Variants in H6PD observed in about 807,000 individuals in gnomAD.
H6PD encodes the protein GDH/6PGL endoplasmic bifunctional protein.
Under a neutral mutation model 61.2 loss-of-function variants are expected in H6PD, and 48 were observed. That is an observed-to-expected ratio of 0.78 (90% confidence interval 0.62 to 1.00). H6PD has a LOEUF of 1.00. Among genes scored for constraint, H6PD ranks in the 50% least tolerant of loss-of-function variants. The pLI is 0.00. For synonymous variants in H6PD, 480 were observed against 457.9 expected, an observed-to-expected ratio of 1.05 and a Z score of -0.62; for missense variants, 1,093 against 1,065.0, an observed-to-expected ratio of 1.03 and a Z score of -0.37.
In H6PD at chr1:9,268,164, A is replaced by C. The variant is rs1638630765; in HGVS notation, c.*3295A>C. ...TGAGGTGGGAGGATCACCTGAGCCC[A>C]GGAGACTGAGGCTGCAGTAAGGTGT... On this transcript the variant is annotated 3_prime_UTR_variant, in exon 5 of 5. Transcript: ENST00000377403. 6.6e-6 allele frequency: 1 copy of C among 151,038 alleles called. No homozygotes were observed. Among genetic ancestry groups the C allele is most frequent in the Non-Finnish European group, 1.5e-5 (1 of 67,858 alleles). The allele number at this position is 151,038 out of a possible 1,614,324, so 9.4% of individuals were successfully genotyped here.
At chr1:9,243,665 T>G (rs557842274) in intron 1 of H6PD, among the ~76,000 whole-genome samples, 2 of 152,166 alleles carry the variant, frequency 1.3e-5, no homozygotes, top group African/African-American at 4.8e-5. Flanking sequence ...AAACAAATAC[T>G]TGGTGTGTTT....
intron 3 of H6PD, among the ~76,000 whole-genome samples, chr1:9,248,741 A>G (rs906714779): frequency 1.3e-5 from 2 of 152,190 alleles, no homozygotes; most frequent in Non-Finnish European, 2.9e-5. Flanking sequence ...CAGGCCTTGA[A>G]GGACATTGCT....
chr1:9,267,630 G>A lies in H6PD; in HGVS notation c.*2761G>A, dbSNP rs1411208339. ...TGGGAGTGTGGGTGAGGGTCGAAAT[G>A]CCAAAGGTCTACTTTCCAGAATCAA... On this transcript the variant is annotated 3_prime_UTR_variant, in exon 5 of 5. Transcript: ENST00000377403. The A allele has an allele frequency of 6.6e-6, 1 of 152,322 alleles. No individual in the cohort carries two copies. Among genetic ancestry groups the A allele is most frequent in the Admixed American group, 6.5e-5 (1 of 15,278 alleles). 9.4% of individuals were successfully genotyped at this position (152,322 alleles called of 1,614,324 possible).
Position 9,263,452 on chromosome 1 carries a change from G to A in H6PD, c.1016-57G>A. 3.9e-6 allele frequency: 6 copies of A among 1,558,314 alleles called. No individual in the cohort carries two copies. The South Asian group carries it at 4.5e-5, about 12-fold the overall frequency. The stretch of plus-strand genomic sequence containing the variant: ...GAGCCGGCAAGGAGAGGAGAGGGCT[G>A]GCCGGAGAGTCCTGGTCTGTGCCAG... On this transcript the variant is annotated intron_variant, in intron 4 of 4. Coordinates refer to ENST00000377403, the MANE Select transcript of H6PD (RefSeq NM_004285.4).
At chr1:9,246,038 G>T (rs530577986) in intron 2 of H6PD, among the ~76,000 whole-genome samples, 1 of 151,948 alleles carries the variant, frequency 6.6e-6, no homozygotes, top group East Asian at 1.9e-4. Flanking sequence ...CGCCTCCTGG[G>T]TTCCAGCAAT....
Position 9,245,279 on chromosome 1 carries a change from G to A in H6PD, c.345G>A (p.Glu115=). 1 of 1,614,206 alleles carries A rather than the reference G, an allele frequency of 6.2e-7. No homozygotes were observed. Among genetic ancestry groups the A allele is most frequent in the Non-Finnish European group, 8.5e-7 (1 of 1,180,046 alleles). ...AGTACCGCCAACTGAAGACGGCCGA[G>A]GACTATCAGGCCCTGAACAAGGACA... ...LSQYRQLKTA[E]DYQALNKDIE... Residue 115 remains glutamate, a synonymous_variant, in exon 2 of 5, where the codon GAG becomes GAA. Transcript: ENST00000377403. This position sits in a 1 kb window ranked among gnomAD's most constrained non-coding sequence, Gnocchi z 4.8.
intron 4 of H6PD, among the ~76,000 whole-genome samples, chr1:9,263,028 C>T (rs1638382734): frequency 6.6e-6 from 1 of 152,174 alleles, no homozygotes; most frequent in Admixed American, 6.5e-5. Flanking sequence ...CAACACCCCA[C>T]CCACGGGCCT....
At chr1:9,241,928 A>G (rs1641010474) in intron 1 of H6PD, among the ~76,000 whole-genome samples, 1 of 152,202 alleles carries the variant, frequency 6.6e-6, no homozygotes. Context: ...ATGATTGGAA[A>G]GGTGCGTTTA....
At position 9,245,026 on chromosome 1, in the gene H6PD, T is replaced by C. The variant is rs986457260; in HGVS notation, c.92T>C (p.Leu31Pro). 8 of 1,614,090 alleles carry C rather than the reference T, an allele frequency of 5.0e-6. No individual in the cohort carries two copies. In the African/African-American group the frequency reaches 1.1e-4, roughly 22 times the overall value. The change falls in exon 2 of 5, where the codon CTG becomes CCG. Residue 31 changes from leucine to proline, a missense_variant. Coordinates refer to ENST00000377403, the MANE Select transcript of H6PD (RefSeq NM_004285.4). This position sits in a 1 kb window ranked among gnomAD's most constrained non-coding sequence, Gnocchi z 4.8. ...ELQGHVSIIL[L>P]GATGDLAKKY... ...CAGGGACATGTCTCCATAATCCTGC[T>C]GGGAGCAACTGGGGACCTGGCTAAG... is the stretch of plus-strand genomic sequence containing the variant.
In H6PD at chr1:9,263,960, G is replaced by A; in HGVS notation, c.1467G>A (p.Leu489=). ...CCTCCTGGAACTTCTGGACCCCTCT[G>A]CTGGAGAGCCTGGCCCATAAGGCCC... ...LLASWNFWTP[L]LESLAHKAPR... The change falls in exon 5 of 5, where the codon CTG becomes CTA. Residue 489 remains leucine, a synonymous_variant. Coordinates refer to ENST00000377403, the MANE Select transcript of H6PD (RefSeq NM_004285.4). 1.2e-6 allele frequency: 2 copies of A among 1,614,192 alleles called. No homozygotes were observed. Among genetic ancestry groups the A allele is most frequent in the Non-Finnish European group, 1.7e-6 (2 of 1,180,024 alleles).
Position 9,263,701 on chromosome 1 carries a change from G to A in H6PD, c.1208G>A (p.Gly403Asp). Residue 403 changes from glycine (G) to aspartate (D), a missense_variant, in exon 5 of 5, where the codon GGC becomes GAC. Coordinates refer to ENST00000377403, the MANE Select transcript of H6PD (RefSeq NM_004285.4). ...CCCCGGCAGCTCGTCTTCCACATCG[G>A]CCATGGCGACCTGGGCAGCCCTGCC... is the stretch of plus-strand genomic sequence containing the variant. Reference protein sequence around the residue: ...CLPRQLVFHIGHGDLGSPAVL... With the variant: ...CLPRQLVFHIDHGDLGSPAVL... 1.2e-6 allele frequency: 2 copies of A among 1,614,014 alleles called. No homozygotes were observed. Among genetic ancestry groups the A allele is most frequent in the Non-Finnish European group, 1.7e-6 (2 of 1,179,996 alleles).
chr1:9,237,490 C>A (rs2100302092), intron 1 of H6PD, among the ~76,000 whole-genome samples: 1 of 152,194 alleles, frequency 6.6e-6, no homozygotes, highest in Admixed American at 6.5e-5. Flanking sequence ...GCCTCAGCCT[C>A]CCAAAGTGCT....
chr1:9,255,439 G>A (rs1286556276), intron 3 of H6PD, among the ~76,000 whole-genome samples: 2 of 151,958 alleles, frequency 1.3e-5, no homozygotes, highest in Non-Finnish European at 2.9e-5. Flanking sequence ...ATTTCACCAT[G>A]CCCAGCTAAT....
chr1:9,264,570 A>G lies in H6PD; in HGVS notation c.2077A>G (p.Met693Val), dbSNP rs550083198. The change falls in exon 5 of 5, where the codon ATG (methionine) becomes GTG (valine). Residue 693 changes from methionine (M) to valine (V), a missense_variant. Physicochemically the swap from Met to Val is conservative, Grantham distance 21. Coordinates refer to ENST00000377403, the MANE Select transcript of H6PD (RefSeq NM_004285.4). ...CAGCTTCGACCTGGTGCTGCTGGGC[A>G]TGGGTGCCGACGGGCACACAGCCTC... ...NSSFDLVLLG[M>V]GADGHTASLF... 1 of 1,613,336 alleles carries G rather than the reference A, an allele frequency of 6.2e-7. No individual in the cohort carries two copies. The highest frequency in any genetic ancestry group is 1.1e-5 in the South Asian group (1 of 91,078).
At position 9,265,046 on chromosome 1, in the gene H6PD, C is replaced by G. The variant is rs371461540; in HGVS notation, c.*177C>G. 518 of 696,530 alleles carry G rather than the reference C, an allele frequency of 7.4e-4. 6 individuals carry two copies. In the South Asian group the frequency reaches 7.6e-3, roughly 10 times the overall value. The allele number at this position is 696,530 out of a possible 1,614,324, so 43.1% of individuals were successfully genotyped here. On this transcript the variant is annotated 3_prime_UTR_variant, in exon 5 of 5. Coordinates refer to ENST00000377403, the MANE Select transcript of H6PD (RefSeq NM_004285.4). The stretch of plus-strand genomic sequence containing the variant: ...GTCCCGATGCCTTTGACCGGCAGCT[C>G]TGTGTATTGGTGGATAGATGCAGAA...
intron 1 of H6PD, among the ~76,000 whole-genome samples, chr1:9,243,214 G>A (rs373562697): frequency 7.9e-5 from 12 of 152,236 alleles, no homozygotes; most frequent in African/African-American, 2.6e-4. Flanking sequence ...GGAGGAGGGG[G>A]TCTGACGTCA....
At chr1:9,248,626 GT>G (rs1283707627) in intron 3 of H6PD, among the ~76,000 whole-genome samples, 6 of 140,650 alleles carry the variant, frequency 4.3e-5, no homozygotes, top group Non-Finnish European at 1.5e-5. Context: ...GTGAGCCTCC[GT>G]CTCTGAAAAA....
At chr1:9,259,912 C>T (rs191181851) in intron 3 of H6PD, among the ~76,000 whole-genome samples, 28 of 150,116 alleles carry the variant, frequency 1.9e-4, no homozygotes, top group South Asian at 6.5e-4. Context: ...GCTGTTGTTA[C>T]GCCAGTGTTG....
Position 9,262,327 on chromosome 1 carries a change from A to T in H6PD, c.1014A>T (p.Ala338=). The change falls in exon 4 of 5, where the codon GCA becomes GCT. Residue 338 remains alanine, a splice_region_variant and synonymous_variant. Coordinates refer to ENST00000377403, the MANE Select transcript of H6PD (RefSeq NM_004285.4). The part of the protein sequence containing the change: ...DSFHSLTPTF[A]AVLVHIDNLR... ...TCCACAGCCTGACGCCGACCTTCGC[A>T]GGTGGGCCCTGGGGCTGGGCATGGG... The T allele has an allele frequency of 1.9e-6, 3 of 1,600,394 alleles. No individual in the cohort carries two copies. The highest frequency in any genetic ancestry group is 2.6e-6 in the Non-Finnish European group (3 of 1,173,700).
Sources: allele counts gnomAD v4.1 joint callset (sites outside exome capture counted in the v4.1 genomes callset), GRCh38; gene constraint gnomAD v4.1.1; non-coding constraint Gnocchi (gnomAD v3.1); transcripts MANE v1.5; gene names NCBI Gene and HGNC (gene_info 2026-07-23, HGNC 2026-07-21).